Variants in AATK observed in about 807,000 individuals in gnomAD.
The protein encoded by AATK is serine/threonine-protein kinase LMTK1.
In AATK, 91 loss-of-function variants were observed where a neutral mutation model predicts 114.3. The ratio of observed to expected loss-of-function variants is 0.80; its 90% CI spans 0.67 to 0.95. AATK has a LOEUF of 0.95. Among genes scored for constraint, AATK ranks in the 40% least tolerant of loss-of-function variants. The pLI is 0.00. For synonymous variants in AATK, 1,075 were observed against 916.5 expected, an observed-to-expected ratio of 1.17 and a Z score of -3.12; for missense variants, 2,176 against 1,965.2, an observed-to-expected ratio of 1.11 and a Z score of -2.03.
At chr17:81,131,863 C>T in intron 2 of AATK, 3 of 1,306,620 alleles carry the variant, frequency 2.3e-6, no homozygotes, top group Non-Finnish European at 3.0e-6. Flanking sequence ...TGTCTGGGAG[C>T]CCAGAGCCAA....
intron 1 of AATK, among the ~76,000 whole-genome samples, chr17:81,147,254 G>A (rs1429915979): frequency 4.6e-5 from 7 of 151,408 alleles, no homozygotes; most frequent in East Asian, 2.0e-4. Context: ...CCAGCTACTC[G>A]GGAGGCTGAG....
At position 81,121,184 on chromosome 17, in the gene AATK, C is replaced by T. The variant is rs746591690; in HGVS notation, c.2752G>A (p.Glu918Lys). 6.9e-6 allele frequency: 11 copies of T among 1,602,690 alleles called. No homozygotes were observed. The highest frequency in any genetic ancestry group is 9.4e-6 in the Non-Finnish European group (11 of 1,175,236). The change falls in exon 11 of 14, where the codon GAG (glutamate) becomes AAG (lysine). Residue 918 changes from glutamate to lysine, a missense_variant. Coordinates refer to ENST00000326724, the MANE Select transcript of AATK (RefSeq NM_001080395.3). Reference protein sequence around the residue: ...IPSSASDGGYEVFSPSATGPS... With the variant: ...IPSSASDGGYKVFSPSATGPS... ...CCAGTGGCCGACGGGCTGAAGACCT[C>T]ATAGCCACCATCACTGGCTGAGGAC...
chr17:81,124,329 C>T (rs987766652), intron 9 of AATK, among the ~76,000 whole-genome samples: 19 of 152,306 alleles, frequency 1.2e-4, no homozygotes, highest in South Asian at 4.1e-4. Context: ...AGGCTGCGGC[C>T]GTGGGAGATC....
At position 81,126,862 on chromosome 17, in the gene AATK, T is replaced by C; in HGVS notation, c.622-302A>G. On this transcript the variant is annotated intron_variant, in intron 6 of 13. Transcript: ENST00000326724. The surrounding 1 kb of genome is among the most constrained non-coding windows in gnomAD (Gnocchi z 5.1). ...ACAGGGCCCAAGTGGATCTGCTTGA[T>C]GGAGTCTGGGGCTGGTGGTCGAGGG... 1 of 1,206,984 alleles carries C rather than the reference T, an allele frequency of 8.3e-7. No individual in the cohort carries two copies. The highest frequency in any genetic ancestry group is 1.0e-6 in the Non-Finnish European group (1 of 966,664). The allele number at this position is 1,206,984 out of a possible 1,614,324, so 74.8% of individuals were successfully genotyped here. A position where few individuals can be genotyped will look rare whatever the true frequency, so the allele number is the denominator to read the frequency against.
intron 10 of AATK, among the ~76,000 whole-genome samples, 175 bp from the exon 11 acceptor site, chr17:81,122,998 G>A (rs1390242845): frequency 6.6e-6 from 1 of 152,172 alleles, no homozygotes; most frequent in African/African-American, 2.4e-5. Flanking sequence ...GGAGCAGGAG[G>A]TGGGCTGGGC....
Position 81,121,779 on chromosome 17 carries a change from G to C in AATK, c.2157C>G (p.Pro719=), listed in dbSNP as rs748039722. ...PSPKQTPRAS[P]EPGYPGEPLL... Reference sequence around the variant, plus strand: ...GAGGCTCTCCAGGGTACCCCGGCTCGGGGGAGGCCCGTGGGGTCTGCTTTG... The same window carrying C: ...GAGGCTCTCCAGGGTACCCCGGCTCCGGGGAGGCCCGTGGGGTCTGCTTTG... Residue 719 remains proline (P), a synonymous_variant, in exon 11 of 14, where the codon CCC becomes CCG. Coordinates refer to ENST00000326724, the MANE Select transcript of AATK (RefSeq NM_001080395.3). 5.2e-6 allele frequency: 8 copies of C among 1,548,020 alleles called. No individual in the cohort carries two copies. Among genetic ancestry groups the C allele is most frequent in the Admixed American group, 1.9e-5 (1 of 53,650 alleles).
intron 1 of AATK, among the ~76,000 whole-genome samples, chr17:81,152,055 A>G (rs1193426393): frequency 6.6e-6 from 1 of 151,948 alleles, no homozygotes; most frequent in African/African-American, 2.4e-5. Context: ...TGGGCGGATC[A>G]CTTGAGGTCG....
intron 1 of AATK, among the ~76,000 whole-genome samples, chr17:81,143,816 C>A (rs531293394): frequency 6.6e-6 from 1 of 152,218 alleles, no homozygotes; most frequent in Admixed American, 6.5e-5. Flanking sequence ...CCTGCCTGCC[C>A]GGGGCTCCAG....
chr17:81,139,754 A>G (rs2061095182), intron 1 of AATK, among the ~76,000 whole-genome samples: 1 of 152,224 alleles, frequency 6.6e-6, no homozygotes, highest in South Asian at 2.1e-4. Context: ...GCCCCTGGCC[A>G]TGGTGAGAAT....
At chr17:81,135,570 T>G (rs2060997296) in intron 1 of AATK, among the ~76,000 whole-genome samples, 2 of 151,952 alleles carry the variant, frequency 1.3e-5, no homozygotes, top group Non-Finnish European at 2.9e-5. Context: ...CCCAAAGGTG[T>G]TGTCATCTCT....
chr17:81,142,092 A>T (rs912886338), intron 1 of AATK, among the ~76,000 whole-genome samples: 1 of 151,832 alleles, frequency 6.6e-6, no homozygotes, highest in African/African-American at 2.4e-5. Context: ...AGTAGCTGGG[A>T]TTACAGGCAC....
intron 1 of AATK, among the ~76,000 whole-genome samples, chr17:81,148,524 A>G (rs2061252382): frequency 6.6e-6 from 1 of 152,262 alleles, no homozygotes; most frequent in Admixed American, 6.5e-5. Flanking sequence ...ACCAGCCTCT[A>G]GAACGACCGG....
At position 81,117,650 on chromosome 17, in the gene AATK, G is replaced by C. The variant is rs1371377840; in HGVS notation, c.*752C>G. ...ACTGCCCCACAGAGGGGAGCTGCCTGCACGGTCCTGCCAAGGGCACCTCTA... is the reference window on the plus strand; with the variant it reads ...ACTGCCCCACAGAGGGGAGCTGCCTCCACGGTCCTGCCAAGGGCACCTCTA... On this transcript the variant is annotated 3_prime_UTR_variant, in exon 14 of 14. Transcript: ENST00000326724. 6.6e-6 allele frequency: 1 copy of C among 152,308 alleles called. No individual in the cohort carries two copies. The highest frequency in any genetic ancestry group is 1.5e-5 in the Non-Finnish European group (1 of 68,106). The allele number at this position is 152,308 out of a possible 1,614,324, so 9.4% of individuals were successfully genotyped here.
chr17:81,145,733 C>CAAAAAAAAAAAAAAAAAAAAAAAAA (rs11332251), intron 1 of AATK, among the ~76,000 whole-genome samples: 1 of 71,150 alleles, frequency 1.4e-5, no homozygotes, highest in Non-Finnish European at 2.7e-5. Flanking sequence ...AACTCCATCT[C>CAAAAAAAAAAAAAAAAAAAAAAAAA]AAAAAAAAAA....
At chr17:81,157,523 T>TAAGTCCGCCTCTCC (rs1452314084) in intron 1 of AATK, among the ~76,000 whole-genome samples, 1 of 152,120 alleles carries the variant, frequency 6.6e-6, no homozygotes, top group Non-Finnish European at 1.5e-5. Context: ...CCAGCATCTC[T>TAAGTCCGCCTCTCC]AAGTCCGCCT....
intron 13 of AATK, among the ~76,000 whole-genome samples, chr17:81,118,671 G>A (rs183169197): frequency 1.3e-5 from 2 of 152,362 alleles, no homozygotes; most frequent in East Asian, 3.9e-4. Flanking sequence ...TACGCATAAG[G>A]AAACTGAGGC....
At chr17:81,143,454 T>C (rs780219101) in intron 1 of AATK, among the ~76,000 whole-genome samples, 3 of 121,954 alleles carry the variant, frequency 2.5e-5, no homozygotes, top group South Asian at 2.9e-4. Context: ...CCTGGGGCCA[T>C]GCAGCCCCCA....
In AATK at chr17:81,134,345, C is replaced by T. The variant is rs189861990; in HGVS notation, c.189+23G>A. On this transcript the variant is annotated intron_variant, in intron 2 of 13. Transcript: ENST00000326724. Reference sequence around the variant, plus strand: ...CCTTGCCTGCGGGATCCCACGACAGCTCCCGCGGCCCCCAGGCCTCACCTT... The same window carrying T: ...CCTTGCCTGCGGGATCCCACGACAGTTCCCGCGGCCCCCAGGCCTCACCTT... 657 of 1,611,950 alleles carry T rather than the reference C, an allele frequency of 4.1e-4. 2 individuals carry two copies. The East Asian group carries it at 6.5e-3, about 16-fold the overall frequency.
At position 81,130,927 on chromosome 17, in the gene AATK, T is replaced by C. The variant is rs796868461; in HGVS notation, c.334+134A>G. On this transcript the variant is annotated intron_variant, in intron 3 of 13. Coordinates refer to ENST00000326724, the MANE Select transcript of AATK (RefSeq NM_001080395.3). Reference sequence around the variant, plus strand: ...GGAGTCCAGGGCTGCACACTGCGTCTACCCCACAGGCCACTCCCAGCCCTG... The same window carrying C: ...GGAGTCCAGGGCTGCACACTGCGTCCACCCCACAGGCCACTCCCAGCCCTG... 94 of 1,143,280 alleles carry C rather than the reference T, an allele frequency of 8.2e-5. No homozygotes were observed. In the African/African-American group the frequency reaches 1.4e-3, roughly 17 times the overall value. The allele number at this position is 1,143,280 out of a possible 1,614,324, so 70.8% of individuals were successfully genotyped here. A position where few individuals can be genotyped will look rare whatever the true frequency, so the allele number is the denominator to read the frequency against.
Sources: allele counts gnomAD v4.1 joint callset (sites outside exome capture counted in the v4.1 genomes callset), GRCh38; gene constraint gnomAD v4.1.1; non-coding constraint Gnocchi (gnomAD v3.1); transcripts MANE v1.5; gene names NCBI Gene and HGNC (gene_info 2026-07-23, HGNC 2026-07-21).